The following PDE7B variants were observed in gnomAD, a reference collection of about 807,000 sequenced individuals.
PDE7B encodes the protein 3',5'-cyclic-AMP phosphodiesterase 7B.
Under a neutral mutation model 56.2 loss-of-function variants are expected in PDE7B, and 29 were observed. The ratio of observed to expected loss-of-function variants is 0.52; its 90% CI spans 0.38 to 0.70. The LOEUF is 0.70. Among genes scored for constraint, PDE7B ranks in the 30% least tolerant of loss-of-function variants. The pLI is 0.00. For synonymous variants in PDE7B, 197 were observed against 196.9 expected (o/e 1.00, Z 0.00); for missense variants, 490 against 565.0 (o/e 0.87, Z 1.35).
At chr6:135,926,094 G>GA (rs1425161323) in intron 1 of PDE7B, among the ~76,000 whole-genome samples, 1 of 97,614 alleles carries the variant, frequency 1.0e-5, no homozygotes, top group Non-Finnish European at 2.4e-5. Flanking sequence ...TTGGGGGGGG[G>GA]GGGGGGAGGG....
At chr6:136,105,215 G>T (rs1777628157) in intron 2 of PDE7B, among the ~76,000 whole-genome samples, 1 of 152,138 alleles carries the variant, frequency 6.6e-6, no homozygotes, top group African/African-American at 2.4e-5. Context: ...CAAGGGAGTG[G>T]GATTCTCCTG....
At chr6:136,114,849 C>T (rs943536284) in intron 3 of PDE7B, 1 of 152,222 alleles carries the variant, frequency 6.6e-6, no homozygotes, top group Non-Finnish European at 1.5e-5. Context: ...AAGGCACTGG[C>T]TGTGGTAGTG....
At chr6:135,904,185 G>A (rs1431074532) in intron 1 of PDE7B, among the ~76,000 whole-genome samples, 1 of 152,088 alleles carries the variant, frequency 6.6e-6, no homozygotes, top group Non-Finnish European at 1.5e-5. Flanking sequence ...TATTTTCTTT[G>A]CCAAAGACTA....
intron 1 of PDE7B, among the ~76,000 whole-genome samples, chr6:135,929,751 C>T (rs550235805): frequency 3.9e-5 from 6 of 152,204 alleles, no homozygotes; most frequent in Admixed American, 1.3e-4. Flanking sequence ...GATGGTGCTA[C>T]GAGGGCGTTT....
intron 11 of PDE7B, 27 bp from the exon 12 acceptor site, chr6:136,187,008 GT>G (rs754077118): frequency 4.1e-6 from 5 of 1,208,934 alleles, no homozygotes; most frequent in Non-Finnish European, 6.1e-6. Flanking sequence ...TTACCAATGT[GT>G]TTTTTTCTTT....
chr6:136,171,249 T>G (rs1445206323), intron 8 of PDE7B, among the ~76,000 whole-genome samples: 2 of 152,162 alleles, frequency 1.3e-5, no homozygotes, highest in Non-Finnish European at 2.9e-5. Context: ...AGGACAGGAA[T>G]GTTAAGATAA....
intron 2 of PDE7B, among the ~76,000 whole-genome samples, chr6:136,019,283 A>G (rs534872178): frequency 1.6e-4 from 24 of 152,318 alleles, no homozygotes; most frequent in Middle Eastern, 3.4e-3. Context: ...ATTATTTCAT[A>G]TAAGTTAATT....
At chr6:135,976,033 G>T (rs1400204530) in intron 2 of PDE7B, among the ~76,000 whole-genome samples, 2 of 152,234 alleles carry the variant, frequency 1.3e-5, no homozygotes, top group Non-Finnish European at 2.9e-5. Flanking sequence ...ACCCAGAAAT[G>T]GTGGCGTTCC....
chr6:135,982,794 G>A (rs1775318252), intron 2 of PDE7B, among the ~76,000 whole-genome samples: 1 of 152,082 alleles, frequency 6.6e-6, no homozygotes, highest in South Asian at 2.1e-4. Flanking sequence ...GCAACACGTG[G>A]CCTTTTTATG....
At chr6:136,154,556 G>A (rs763357828) in intron 7 of PDE7B, among the ~76,000 whole-genome samples, 5 of 152,066 alleles carry the variant, frequency 3.3e-5, no homozygotes, top group Non-Finnish European at 4.4e-5. Flanking sequence ...GTCTCCTACT[G>A]CATGAGTTTT....
intron 1 of PDE7B, among the ~76,000 whole-genome samples, chr6:135,925,905 G>C (rs1011492804): frequency 6.6e-6 from 1 of 152,034 alleles, no homozygotes; most frequent in African/African-American, 2.4e-5. Context: ...AAAATTGTAG[G>C]TGAGAAGCAG....
intron 8 of PDE7B, 70 bp from the exon 9 acceptor site, chr6:136,173,727 C>G: frequency 1.0e-6 from 1 of 998,000 alleles, no homozygotes; most frequent in Non-Finnish European, 1.6e-6. Flanking sequence ...GTCCGTGGAG[C>G]TGTGTTCAGC....
chr6:136,065,641 C>G (rs977655444), intron 2 of PDE7B, among the ~76,000 whole-genome samples: 1 of 152,092 alleles, frequency 6.6e-6, no homozygotes. Flanking sequence ...AAACCAAACC[C>G]AACAGCAAAC....
intron 1 of PDE7B, among the ~76,000 whole-genome samples, chr6:135,895,637 C>T (rs1348473944): frequency 6.6e-6 from 1 of 152,048 alleles, no homozygotes; most frequent in African/African-American, 2.4e-5. Flanking sequence ...GAAATATTGG[C>T]TAAAAAGTAG....
chr6:135,896,834 T>G (rs527692244), intron 1 of PDE7B, among the ~76,000 whole-genome samples: 1 of 152,058 alleles, frequency 6.6e-6, no homozygotes, highest in East Asian at 1.9e-4. Flanking sequence ...TTCCAGCTCC[T>G]TCCTTCCAGC....
intron 2 of PDE7B, among the ~76,000 whole-genome samples, chr6:136,092,664 G>A (rs1777407937): frequency 6.6e-6 from 1 of 152,188 alleles, no homozygotes; most frequent in African/African-American, 2.4e-5. Context: ...GGGAGGCTGA[G>A]GCAGGAGAAT....
At position 136,024,091 on chromosome 6, in the gene PDE7B, G is replaced by T. The variant is rs142925564; in HGVS notation, c.82+76567G>T. On this transcript the variant is annotated intron_variant, in intron 2 of 12. Transcript: ENST00000308191. ...GACATTTAAAAAAAAACCTCCTCTAGGAATAATTCTGTTATAATGGGTTTC... is the reference window on the plus strand; with the variant it reads ...GACATTTAAAAAAAAACCTCCTCTATGAATAATTCTGTTATAATGGGTTTC... Among the ~76,000 whole-genome samples, 8 of 152,092 alleles carry T rather than the reference G, an allele frequency of 5.3e-5. No homozygotes were observed. In the East Asian group the frequency reaches 1.4e-3, roughly 26 times the overall value.
At chr6:136,119,534 G>A (rs979704473) in intron 3 of PDE7B, among the ~76,000 whole-genome samples, 1 of 152,210 alleles carries the variant, frequency 6.6e-6, no homozygotes, top group Non-Finnish European at 1.5e-5. Context: ...GTTGGAAATT[G>A]TGAAGTTGGG....
chr6:135,936,399 C>T (rs1247312791), intron 1 of PDE7B, among the ~76,000 whole-genome samples: 1 of 152,138 alleles, frequency 6.6e-6, no homozygotes, highest in Non-Finnish European at 1.5e-5. Flanking sequence ...CAGTGTAAAT[C>T]AGGAAAACGA....
Sources: allele counts gnomAD v4.1 joint callset (sites outside exome capture counted in the v4.1 genomes callset), GRCh38; gene constraint gnomAD v4.1.1; transcripts MANE v1.5; gene names NCBI Gene and HGNC (gene_info 2026-07-23, HGNC 2026-07-21).